The following NCK1 variants were observed in gnomAD, a reference collection of about 807,000 sequenced individuals.
NCK1 encodes NCK adaptor protein 1.
Under a neutral mutation model 36.6 loss-of-function variants are expected in NCK1, and 19 were observed. The observed-to-expected ratio is 0.52, with a 90% CI of 0.36 to 0.76. The LOEUF (loss-of-function observed/expected upper bound fraction) is 0.76. Ranked by LOEUF, NCK1 falls within the 30% of genes least tolerant of loss-of-function variation. NCK1 has a pLI of 0.00. For synonymous variants in NCK1, 165 were observed against 156.0 expected (o/e 1.06, Z -0.43); for missense variants, 358 against 445.6 (o/e 0.80, Z 1.77).
intron 1 of NCK1, among the ~76,000 whole-genome samples, chr3:136,902,719 G>T (rs954557586): frequency 6.6e-6 from 1 of 150,496 alleles, no homozygotes; most frequent in African/African-American, 2.4e-5. Flanking sequence ...GACCAATCAG[G>T]CAAGAGGGAA....
rs79427190 is a variant in NCK1 at position 136,903,368 on chromosome 3, G to A, written c.-18-24616G>A. ...AGGTGAGATGAGTTTATTGTAGGTA[G>A]TATATAGGTGGGTCATGCTTTAAAA... On this transcript the variant is annotated intron_variant, in intron 1 of 3. Coordinates refer to ENST00000481752, the MANE Select transcript of NCK1 (RefSeq NM_001291999.2). 1.9e-3 allele frequency among the ~76,000 whole-genome samples: 288 copies of A among 152,262 alleles called. 7 individuals carry two copies. In the East Asian group the frequency reaches 0.047, roughly 25 times the overall value.
chr3:136,907,666 C>G (rs1385041012), intron 1 of NCK1, among the ~76,000 whole-genome samples: 1 of 152,166 alleles, frequency 6.6e-6, no homozygotes, highest in Non-Finnish European at 1.5e-5. Context: ...CTTAGGTGAT[C>G]TATTTGAAGT....
intron 1 of NCK1, among the ~76,000 whole-genome samples, chr3:136,876,619 T>C (rs574711374): frequency 6.6e-6 from 1 of 152,276 alleles, no homozygotes; most frequent in East Asian, 1.9e-4. Flanking sequence ...GTCTCTGTTA[T>C]AAAGTTCCTG....
chr3:136,944,416 C>T (rs1940758675), intron 2 of NCK1, among the ~76,000 whole-genome samples: 1 of 151,976 alleles, frequency 6.6e-6, no homozygotes, highest in Admixed American at 6.6e-5. Context: ...CCGTGCCCAG[C>T]CGGGAAAGAC....
At chr3:136,870,568 T>C (rs902151269) in intron 1 of NCK1, among the ~76,000 whole-genome samples, 2 of 152,030 alleles carry the variant, frequency 1.3e-5, no homozygotes, top group Non-Finnish European at 2.9e-5. Context: ...TTGAATAATA[T>C]ATTTTCATTT....
chr3:136,900,617 A>G (rs1939516823), intron 1 of NCK1, among the ~76,000 whole-genome samples: 1 of 151,968 alleles, frequency 6.6e-6, no homozygotes, highest in Non-Finnish European at 1.5e-5. Context: ...TGTAGTTTTT[A>G]TAGCTATTGT....
chr3:136,936,961 G>T (rs1940546971), intron 2 of NCK1, among the ~76,000 whole-genome samples: 1 of 152,112 alleles, frequency 6.6e-6, no homozygotes, highest in East Asian at 1.9e-4. Flanking sequence ...ATACACAAAT[G>T]TTTTCAATTT....
intron 1 of NCK1, among the ~76,000 whole-genome samples, chr3:136,881,033 TAGA>T (rs1194091972): frequency 6.6e-6 from 1 of 152,184 alleles, no homozygotes; most frequent in Non-Finnish European, 1.5e-5. Flanking sequence ...ACTCAGTAGC[TAGA>T]AGCCAAGGTG....
At chr3:136,942,295 C>A (rs1940698908) in intron 2 of NCK1, among the ~76,000 whole-genome samples, 1 of 152,212 alleles carries the variant, frequency 6.6e-6, no homozygotes, top group African/African-American at 2.4e-5. Context: ...AGATCAGATT[C>A]TATCCCCTCC....
chr3:136,940,820 C>T (rs1234667457), intron 2 of NCK1, among the ~76,000 whole-genome samples: 2 of 152,116 alleles, frequency 1.3e-5, no homozygotes, highest in Non-Finnish European at 2.9e-5. Flanking sequence ...GCAGGGATTA[C>T]AGGCATGAGA....
At chr3:136,875,616 A>T (rs1303583538) in intron 1 of NCK1, among the ~76,000 whole-genome samples, 8 of 152,032 alleles carry the variant, frequency 5.3e-5, no homozygotes, top group Non-Finnish European at 7.4e-5. Flanking sequence ...TCCTAAATAT[A>T]TATGCACCCA....
chr3:136,909,696 T>G (rs1262330318), intron 1 of NCK1, among the ~76,000 whole-genome samples: 1 of 152,254 alleles, frequency 6.6e-6, no homozygotes, highest in African/African-American at 2.4e-5. Flanking sequence ...CAATGATTAC[T>G]GTAGAACTGT....
chr3:136,919,011 A>G (rs138345774), intron 1 of NCK1, among the ~76,000 whole-genome samples: 1,638 of 152,320 alleles, frequency 0.011, 11 homozygotes, highest in Middle Eastern at 0.024. Flanking sequence ...CGTCCGTACA[A>G]TGGACTACTC....
At chr3:136,891,439 C>G (rs1001815322) in intron 1 of NCK1, among the ~76,000 whole-genome samples, 2 of 152,208 alleles carry the variant, frequency 1.3e-5, no homozygotes, top group African/African-American at 4.8e-5. Flanking sequence ...CTGGCCTGAT[C>G]ATGGACACTT....
At chr3:136,885,531 C>G (rs926273653) in intron 1 of NCK1, among the ~76,000 whole-genome samples, 7 of 152,138 alleles carry the variant, frequency 4.6e-5, no homozygotes, top group African/African-American at 1.7e-4. Context: ...CCTCCAACTC[C>G]TGGGCTCAAG....
In NCK1 at chr3:136,925,706, G is replaced by A. The variant is rs182754027; in HGVS notation, c.-18-2278G>A. Among the ~76,000 whole-genome samples, 27 of 152,132 alleles carry A rather than the reference G, an allele frequency of 1.8e-4. No individual in the cohort carries two copies. The East Asian group carries it at 4.2e-3, about 24-fold the overall frequency. On this transcript the variant is annotated intron_variant, in intron 1 of 3. Transcript: ENST00000481752. ...TTTTGTGCATCAATTGTTCTTTTTG[G>A]TATGAACGTACCAGTTTGTTTAATT...
chr3:136,913,226 C>T (rs938521239), intron 1 of NCK1, among the ~76,000 whole-genome samples: 1 of 152,044 alleles, frequency 6.6e-6, no homozygotes, highest in Non-Finnish European at 1.5e-5. Context: ...AATGTGATAA[C>T]TCTGGAAATC....
chr3:136,873,580 A>G (rs1938686434), intron 1 of NCK1, among the ~76,000 whole-genome samples: 1 of 152,158 alleles, frequency 6.6e-6, no homozygotes, highest in Non-Finnish European at 1.5e-5. Flanking sequence ...ATGTGAAGAC[A>G]TGATATTTGG....
intron 1 of NCK1, among the ~76,000 whole-genome samples, chr3:136,927,378 T>A (rs1467780257): frequency 6.6e-6 from 1 of 152,240 alleles, no homozygotes; most frequent in Non-Finnish European, 1.5e-5. Context: ...ATTTTGAAAC[T>A]ATCTTGTTAC....
Sources: gnomAD v4.1 joint callset for allele counts (sites outside exome capture counted in the v4.1 genomes callset) on GRCh38, gnomAD v4.1.1 for gene constraint, MANE v1.5 for transcripts, NCBI Gene and HGNC (gene_info 2026-07-23, HGNC 2026-07-21) for gene names.